ATP5MF: variants seen among roughly 807,000 people sequenced by gnomAD.
ATP5MF encodes the protein ATP synthase F(0) complex subunit f, mitochondrial.
Under a neutral mutation model 13.8 loss-of-function variants are expected in ATP5MF, and 10 were observed. That is an observed-to-expected ratio of 0.72 (90% CI 0.45 to 1.23). ATP5MF has a LOEUF of 1.23. Among genes scored for constraint, ATP5MF ranks in the 50% most tolerant of loss-of-function variants. The pLI, the probability that ATP5MF is intolerant of heterozygous loss-of-function variation, is 0.00. For synonymous variants in ATP5MF, 40 were observed against 45.8 expected (o/e 0.87, Z 0.51); for missense variants, 122 against 118.2 (o/e 1.03, Z -0.15).
intron 1 of ATP5MF, among the ~76,000 whole-genome samples, chr7:99,464,137 G>A (rs561086385): frequency 6.6e-6 from 1 of 152,314 alleles, no homozygotes; most frequent in Admixed American, 6.5e-5. Context: ...TGTGGGCCAC[G>A]CAGCGTTCCA....
chr7:99,458,327 T>C lies in ATP5MF; in HGVS notation c.285A>G (p.Ter95TrpextTer27). ...LKHERLRKYH[*>W] ...TGGGGGGGTGCAGAGTGTGTCCTCTTCAGTGGTATTTGCGGAGCCGCTCGT... is the reference window on the plus strand; with the variant it reads ...TGGGGGGGTGCAGAGTGTGTCCTCTCCAGTGGTATTTGCGGAGCCGCTCGT... Residue 95 changes from the stop codon to tryptophan, a stop_lost, in exon 4 of 4, where the codon TGA (stop) becomes TGG (tryptophan). Coordinates refer to ENST00000292475, the MANE Select transcript of ATP5MF (RefSeq NM_004889.5). The C allele has an allele frequency of 6.2e-7, 1 of 1,610,112 alleles. No homozygotes were observed. The highest frequency in any genetic ancestry group is 8.5e-7 in the Non-Finnish European group (1 of 1,178,918).
At chr7:99,460,565 T>C (rs1798554763) in intron 1 of ATP5MF, 1 of 515,022 alleles carries the variant, frequency 1.9e-6, no homozygotes, top group African/African-American at 1.9e-5. Context: ...AAGCACTTCA[T>C]GTCTTTACCT....
At chr7:99,462,808 A>G (rs1275530593) in intron 1 of ATP5MF, among the ~76,000 whole-genome samples, 2 of 152,216 alleles carry the variant, frequency 1.3e-5, no homozygotes, top group Non-Finnish European at 2.9e-5. Context: ...ACTGGAAGGC[A>G]AAGGAAGGCC....
At chr7:99,458,700 A>G (rs891098416) in intron 3 of ATP5MF, among the ~76,000 whole-genome samples, 1 of 152,076 alleles carries the variant, frequency 6.6e-6, no homozygotes, top group African/African-American at 2.4e-5. Flanking sequence ...ACACTGTCAG[A>G]AACAGCCTAG....
intron 1 of ATP5MF, among the ~76,000 whole-genome samples, chr7:99,464,850 C>T (rs1271905171): frequency 6.6e-6 from 1 of 151,774 alleles, no homozygotes; most frequent in Non-Finnish European, 1.5e-5. Context: ...TGCCTGTAAT[C>T]CCAGATACTT....
chr7:99,458,908 T>C, intron 3 of ATP5MF: 1 of 514,260 alleles, frequency 1.9e-6, no homozygotes, highest in East Asian at 3.4e-5. Flanking sequence ...CTAAGTACTC[T>C]CTTTACCCTG....
intron 3 of ATP5MF, 27 bp from the exon 4 acceptor site, chr7:99,458,382 G>T: frequency 6.2e-7 from 1 of 1,600,116 alleles, no homozygotes; most frequent in Non-Finnish European, 8.5e-7. Flanking sequence ...AAGATGGTAA[G>T]TATCTTAAAA....
chr7:99,465,830 T>C (rs1798847311), intron 1 of ATP5MF, among the ~76,000 whole-genome samples: 1 of 152,214 alleles, frequency 6.6e-6, no homozygotes, highest in Non-Finnish European at 1.5e-5. Context: ...GGCTATTTCT[T>C]AGCGGAAAGA....
intron 2 of ATP5MF, chr7:99,459,699 C>A: frequency 3.9e-6 from 1 of 253,968 alleles, no homozygotes. Context: ...CAGGCATAAG[C>A]CACCACACCA....
intron 3 of ATP5MF, among the ~76,000 whole-genome samples, 188 bp from the exon 4 acceptor site, chr7:99,458,543 A>G (rs958989689): frequency 3.9e-5 from 6 of 152,152 alleles, no homozygotes; most frequent in Non-Finnish European, 4.4e-5. Context: ...TCAGGAGCCA[A>G]CCTGCCACCT....
At chr7:99,463,087 A>G (rs773539124) in intron 1 of ATP5MF, among the ~76,000 whole-genome samples, 1 of 152,200 alleles carries the variant, frequency 6.6e-6, no homozygotes, top group East Asian at 1.9e-4. Flanking sequence ...AATGAGAACT[A>G]TTACCACCTT....
At chr7:99,465,535 G>T (rs1326214040) in intron 1 of ATP5MF, among the ~76,000 whole-genome samples, 1 of 152,200 alleles carries the variant, frequency 6.6e-6, no homozygotes, top group Non-Finnish European at 1.5e-5. Context: ...GGGTGTCTCG[G>T]AAAAGCCTGC....
intron 1 of ATP5MF, among the ~76,000 whole-genome samples, chr7:99,460,981 A>G (rs1170159872): frequency 6.6e-6 from 1 of 152,190 alleles, no homozygotes; most frequent in Non-Finnish European, 1.5e-5. Flanking sequence ...AAGTCAAGTG[A>G]CGAAAAACCA....
intron 1 of ATP5MF, 108 bp downstream of exon 1, chr7:99,466,003 A>G: frequency 1.9e-6 from 3 of 1,570,044 alleles, no homozygotes; most frequent in Non-Finnish European, 2.6e-6. Context: ...GTCGTGGCGA[A>G]GTGCCTGAGC....
chr7:99,458,918 G>A (rs1798466105), intron 3 of ATP5MF: 2 of 526,576 alleles, frequency 3.8e-6, no homozygotes, highest in South Asian at 4.4e-5. Context: ...TCTTTACCCT[G>A]GCTTCATCTT....
Position 99,460,094 on chromosome 7 carries a change from A to G in ATP5MF, c.131T>C (p.Phe44Ser), listed in dbSNP as rs776394137. 1 of 1,613,228 alleles carries G rather than the reference A, an allele frequency of 6.2e-7. No individual in the cohort carries two copies. ...ATCCACAAGGCTCTGACCTCTTTGA[A>G]ACGCTCCGAAAATGCCACTAGGACT... ...DFSPSGIFGA[F>S]QRGYYRYYNK... The change falls in exon 2 of 4, where the codon TTT becomes TCT. Residue 44 changes from phenylalanine to serine, a missense_variant. Coordinates refer to ENST00000292475, the MANE Select transcript of ATP5MF (RefSeq NM_004889.5).
intron 1 of ATP5MF, among the ~76,000 whole-genome samples, chr7:99,462,157 A>G (rs1231313311): frequency 2.0e-5 from 3 of 151,506 alleles, no homozygotes; most frequent in African/African-American, 7.3e-5. Flanking sequence ...TTTCCTTAAA[A>G]CCAACACATC....
intron 1 of ATP5MF, among the ~76,000 whole-genome samples, chr7:99,463,748 C>A (rs1168979581): frequency 6.6e-6 from 1 of 151,960 alleles, no homozygotes; most frequent in African/African-American, 2.4e-5. Flanking sequence ...TGCACTGCAG[C>A]CTGGGCGACA....
intron 2 of ATP5MF, chr7:99,459,718 T>G (rs35296070): frequency 1.1e-5 from 3 of 262,084 alleles, no homozygotes; most frequent in Non-Finnish European, 1.5e-5. Flanking sequence ...CAGGCCAAGA[T>G]AGGCCATTTC....
Sources: gnomAD v4.1 joint callset for allele counts (sites outside exome capture counted in the v4.1 genomes callset) on GRCh38, gnomAD v4.1.1 for gene constraint, MANE v1.5 for transcripts, NCBI Gene and HGNC (gene_info 2026-07-23, HGNC 2026-07-21) for gene names.